The following RARB variants were observed in gnomAD, a reference collection of about 807,000 sequenced individuals.
RARB encodes HBV-activated protein.
In RARB, 17 loss-of-function variants were observed where a neutral mutation model predicts 51.9. The observed-to-expected ratio is 0.33, with a 90% CI of 0.22 to 0.49. RARB has a LOEUF of 0.49. RARB is among the 20% of genes least tolerant of loss of function. The pLI is 0.99. For missense variants in RARB, 369 were observed against 550.8 expected (o/e 0.67, Z 3.30); for synonymous variants, 215 against 195.4 (o/e 1.10, Z -0.84).
At chr3:25,094,036 A>T (rs1316171494) in intron 3 of RARB, among the ~76,000 whole-genome samples, 1 of 152,164 alleles carries the variant, frequency 6.6e-6, no homozygotes, top group Non-Finnish European at 1.5e-5. Flanking sequence ...CTGAGGAGCA[A>T]ACTAGCTTGT....
intron 4 of RARB, among the ~76,000 whole-genome samples, chr3:25,163,335 C>T (rs796457233): frequency 6.6e-5 from 10 of 151,748 alleles, no homozygotes; most frequent in African/African-American, 2.2e-4. Context: ...GAAACCCTGT[C>T]TCTACAAAAA....
At chr3:24,868,304 A>C (rs1197805270) in intron 2 of RARB, among the ~76,000 whole-genome samples, 1 of 152,146 alleles carries the variant, frequency 6.6e-6, no homozygotes, top group African/African-American at 2.4e-5. Flanking sequence ...GCACCTCAGA[A>C]ACACACTTGT....
At chr3:25,047,817 C>A (rs748040716) in intron 2 of RARB, among the ~76,000 whole-genome samples, 47 of 152,312 alleles carry the variant, frequency 3.1e-4, no homozygotes, top group Non-Finnish European at 5.1e-4. Flanking sequence ...TTTGCTTGTA[C>A]AGAGCAGCAG....
At chr3:24,922,080 A>G (rs1477868524) in intron 2 of RARB, among the ~76,000 whole-genome samples, 3 of 152,200 alleles carry the variant, frequency 2.0e-5, no homozygotes, top group Non-Finnish European at 4.4e-5. Context: ...TCATTTCTCC[A>G]TGTGTAAAAT....
chr3:25,250,560 G>T (rs1310432439), intron 5 of RARB, among the ~76,000 whole-genome samples: 1 of 152,164 alleles, frequency 6.6e-6, no homozygotes, highest in Non-Finnish European at 1.5e-5. Context: ...GGATTGTGGG[G>T]TCACTGACAG....
At chr3:25,212,534 C>G (rs1701723647) in intron 5 of RARB, among the ~76,000 whole-genome samples, 1 of 152,190 alleles carries the variant, frequency 6.6e-6, no homozygotes, top group African/African-American at 2.4e-5. Flanking sequence ...AGAAGGATCG[C>G]TTGAACCCAG....
rs1432846793 is a variant in RARB at position 25,202,001 on chromosome 3, G to A, written c.178+27426G>A. ...TTTTCTATTGATTGGAATAGTTTCAGAAGGAATGCTACCAGCTCCTCCTTG... is the reference window on the plus strand; with the variant it reads ...TTTTCTATTGATTGGAATAGTTTCAAAAGGAATGCTACCAGCTCCTCCTTG... On this transcript the variant is annotated intron_variant, in intron 5 of 11. Coordinates refer to the RARB transcript ENST00000383772. Among the ~76,000 whole-genome samples, 3 of 152,188 alleles carry A rather than the reference G, an allele frequency of 2.0e-5. No individual in the cohort carries two copies. The East Asian group carries it at 5.8e-4, about 29-fold the overall frequency.
chr3:25,231,519 C>G (rs906237288), intron 5 of RARB, among the ~76,000 whole-genome samples: 1 of 152,164 alleles, frequency 6.6e-6, no homozygotes, highest in Admixed American at 6.5e-5. Context: ...TAGGTTACTC[C>G]TCTAAGAAGT....
chr3:25,237,755 C>A (rs986183207), intron 5 of RARB, among the ~76,000 whole-genome samples: 1 of 152,098 alleles, frequency 6.6e-6, no homozygotes, highest in Non-Finnish European at 1.5e-5. Context: ...CCCCTCAACC[C>A]CTGGCAAATG....
At chr3:25,179,370 C>A (rs1700818432) in intron 5 of RARB, among the ~76,000 whole-genome samples, 1 of 152,166 alleles carries the variant, frequency 6.6e-6, no homozygotes, top group Non-Finnish European at 1.5e-5. Flanking sequence ...CCTTTTACTC[C>A]ATAGTCTTGT....
intron 3 of RARB, among the ~76,000 whole-genome samples, chr3:25,544,546 A>G (rs1018964501): frequency 6.6e-6 from 1 of 152,104 alleles, no homozygotes; most frequent in African/African-American, 2.4e-5. Context: ...CTTGTCAGAC[A>G]CTGATGTTTA....
intron 4 of RARB, among the ~76,000 whole-genome samples, chr3:25,163,343 A>G (rs796250629): frequency 1.2e-4 from 18 of 151,928 alleles, no homozygotes; most frequent in African/African-American, 4.1e-4. Context: ...GTCTCTACAA[A>G]AAAAATAAAA....
intron 2 of RARB, among the ~76,000 whole-genome samples, chr3:25,037,969 C>G: frequency 6.6e-6 from 1 of 152,042 alleles, no homozygotes; most frequent in East Asian, 1.9e-4. Context: ...GTTTAAACCC[C>G]CTAGCCATGA....
chr3:25,273,932 AC>A (rs1703317001), intron 5 of RARB, among the ~76,000 whole-genome samples: 2 of 151,796 alleles, frequency 1.3e-5, no homozygotes, highest in South Asian at 4.2e-4. Flanking sequence ...ATTCTCTATG[AC>A]TCCCACTGGC....
chr3:25,541,006 G>T (rs1213664012), intron 3 of RARB, among the ~76,000 whole-genome samples: 2 of 152,130 alleles, frequency 1.3e-5, no homozygotes, highest in Non-Finnish European at 2.9e-5. Flanking sequence ...TAAATCAGGG[G>T]TCAGTAAACT....
chr3:24,916,624 T>C (rs73823040), intron 2 of RARB, among the ~76,000 whole-genome samples: 2,493 of 152,260 alleles, frequency 0.016, 69 homozygotes, highest in African/African-American at 0.053. Flanking sequence ...ATTGATGATA[T>C]GGAGAAACTG....
At chr3:25,205,440 A>C (rs1239688032) in intron 5 of RARB, among the ~76,000 whole-genome samples, 1 of 152,086 alleles carries the variant, frequency 6.6e-6, no homozygotes. Context: ...TCCTGCACCC[A>C]CTGTCCAACA....
intron 4 of RARB, among the ~76,000 whole-genome samples, chr3:25,158,380 C>A (rs1487779751): frequency 1.3e-5 from 2 of 152,200 alleles, no homozygotes; most frequent in Admixed American, 1.3e-4. Flanking sequence ...TGCTTATAAT[C>A]TCTCCCATAA....
chr3:25,444,480 C>T (rs1708839760), intron 1 of RARB, among the ~76,000 whole-genome samples: 1 of 152,072 alleles, frequency 6.6e-6, no homozygotes, highest in Non-Finnish European at 1.5e-5. Context: ...TGTCCTAATT[C>T]ATTAAATTAT....
Sources: allele counts gnomAD v4.1 joint callset (sites outside exome capture counted in the v4.1 genomes callset), GRCh38; gene constraint gnomAD v4.1.1; transcripts MANE v1.5; gene names NCBI Gene and HGNC (gene_info 2026-07-23, HGNC 2026-07-21).